Variants in CLEC12A observed in about 807,000 individuals in gnomAD.
The protein encoded by CLEC12A is C-type lectin protein CLL-1.
Under a neutral mutation model 26.5 loss-of-function variants are expected in CLEC12A, and 22 were observed. The ratio of observed to expected loss-of-function variants is 0.83; its 90% CI spans 0.59 to 1.19. The LOEUF (loss-of-function observed/expected upper bound fraction) is 1.19. CLEC12A is among the 50% of genes most tolerant of loss of function. The pLI is 0.00. For missense variants in CLEC12A, 353 were observed against 315.6 expected, an observed-to-expected ratio of 1.12 and a Z score of -0.90; for synonymous variants, 119 against 101.9, an observed-to-expected ratio of 1.17 and a Z score of -1.01.
intron 1 of CLEC12A, among the ~76,000 whole-genome samples, chr12:9,975,844 C>T (rs1419101232): frequency 6.6e-6 from 1 of 152,166 alleles, no homozygotes; most frequent in African/African-American, 2.4e-5. Context: ...GGTCCCTCTG[C>T]TGTGTGCAGT....
the CLEC12A span, among the ~76,000 whole-genome samples, chr12:10,002,141 A>G: frequency 6.6e-6 from 1 of 151,908 alleles, no homozygotes; most frequent in Non-Finnish European, 1.5e-5. Flanking sequence ...TCGGCCTCCC[A>G]AAGTGCTGGG....
At chr12:9,954,612 A>G (rs1289583249) in intron 1 of CLEC12A, among the ~76,000 whole-genome samples, 2 of 152,248 alleles carry the variant, frequency 1.3e-5, no homozygotes, top group East Asian at 3.8e-4. Flanking sequence ...TTCATAAACC[A>G]GTGAGTTTGC....
intron 1 of CLEC12A, among the ~76,000 whole-genome samples, chr12:9,955,870 A>G (rs1390235434): frequency 1.3e-5 from 2 of 152,256 alleles, no homozygotes; most frequent in African/African-American, 4.8e-5. Context: ...TATCAAGAAA[A>G]GCCAAGAGGA....
At chr12:9,952,075 A>G (rs1863620218) in intron 1 of CLEC12A, 1 of 144,918 alleles carries the variant, frequency 6.9e-6, no homozygotes, top group Non-Finnish European at 1.5e-5. Context: ...TCAAACTGTC[A>G]GACCCTGTCT....
intron 5 of CLEC12A, chr12:9,984,032 G>A: frequency 3.5e-6 from 1 of 285,162 alleles, no homozygotes; most frequent in South Asian, 3.2e-5. Flanking sequence ...ATAATGGAAT[G>A]GAAAACATTG....
chr12:9,999,081 T>C, downstream of CLEC12A: 15 of 1,610,814 alleles, frequency 9.3e-6, no homozygotes, highest in Non-Finnish European at 1.3e-5. Flanking sequence ...TAAGGTGATG[T>C]ATCCATCTTC....
At chr12:9,954,757 A>G (rs1240200540) in intron 1 of CLEC12A, among the ~76,000 whole-genome samples, 1 of 152,236 alleles carries the variant, frequency 6.6e-6, no homozygotes, top group Non-Finnish European at 1.5e-5. Flanking sequence ...GCGTTCATAA[A>G]TTAAGTAAAT....
At chr12:9,965,753 C>T (rs970010037) in intron 1 of CLEC12A, among the ~76,000 whole-genome samples, 10 of 151,932 alleles carry the variant, frequency 6.6e-5, no homozygotes, top group Middle Eastern at 3.2e-3. Flanking sequence ...TTTAAAAGGC[C>T]ATGCTGTAGC....
At chr12:9,981,454 A>G (rs749509524) in intron 4 of CLEC12A, among the ~76,000 whole-genome samples, 1 of 152,172 alleles carries the variant, frequency 6.6e-6, no homozygotes, top group South Asian at 2.1e-4. Flanking sequence ...CATCCTTTAT[A>G]GAAGAGAGAT....
At chr12:9,987,965 C>T (rs111429989), downstream of CLEC12A, among the ~76,000 whole-genome samples, 10,678 of 152,044 alleles carry the variant, frequency 0.07, 1,244 homozygotes, top group African/African-American at 0.24. Context: ...CCCACCATCA[C>T]ACCTGGCTAA....
At chr12:9,999,057 C>T (rs984036218), downstream of CLEC12A, 9 of 1,605,740 alleles carry the variant, frequency 5.6e-6, no homozygotes, top group Non-Finnish European at 7.7e-6. Flanking sequence ...AGCTGGTTTC[C>T]GAGTTTTAAT....
At chr12:9,998,709 A>T (rs2137246425), downstream of CLEC12A, among the ~76,000 whole-genome samples, 1 of 152,254 alleles carries the variant, frequency 6.6e-6, no homozygotes, top group Admixed American at 6.5e-5. Context: ...TAATTGCTTT[A>T]ATAAACAGCA....
the CLEC12A span, among the ~76,000 whole-genome samples, chr12:10,003,549 C>T: frequency 6.6e-6 from 1 of 152,090 alleles, no homozygotes. Flanking sequence ...AAGGAGAAGG[C>T]AATGTTTTTC....
rs1396324945 is a variant in CLEC12A, at chr12:9,993,225, A to G, written n.1005-1793A>G. On this transcript the variant is annotated intron_variant and non_coding_transcript_variant, in intron 4 of 4. Coordinates refer to the CLEC12A transcript ENST00000449959. ...TTTGTTCTCACAGAAGGTAGGGTGCATTTTCCCATTATGAAAATAAGCACA... is the reference window on the plus strand; with the variant it reads ...TTTGTTCTCACAGAAGGTAGGGTGCGTTTTCCCATTATGAAAATAAGCACA... 2.5e-6 allele frequency: 4 copies of G among 1,612,862 alleles called. No individual in the cohort carries two copies. Among genetic ancestry groups the G allele is most frequent in the Non-Finnish European group, 3.4e-6 (4 of 1,179,092 alleles).
downstream of CLEC12A, chr12:9,999,136 A>C: frequency 6.9e-7 from 1 of 1,445,494 alleles, no homozygotes; most frequent in Non-Finnish European, 9.6e-7. Flanking sequence ...TCAGAGTTCA[A>C]TGACTTTGCA....
downstream of CLEC12A, chr12:9,997,233 T>C: frequency 6.2e-7 from 1 of 1,613,806 alleles, no homozygotes; most frequent in Non-Finnish European, 8.5e-7. Context: ...GCAGAGTTCC[T>C]GTGCGATTTT....
chr12:9,963,600 G>A (rs939339308), intron 1 of CLEC12A, among the ~76,000 whole-genome samples: 3 of 151,942 alleles, frequency 2.0e-5, no homozygotes, highest in African/African-American at 4.8e-5. Context: ...TTGTCGTGTC[G>A]GTGTCATGAG....
At chr12:9,971,056 A>C (rs577265120), upstream of CLEC12A, among the ~76,000 whole-genome samples, 13 of 152,110 alleles carry the variant, frequency 8.5e-5, no homozygotes, top group Non-Finnish European at 1.8e-4. Flanking sequence ...CTGTATGTTC[A>C]GTCTCCCAGT....
At chr12:9,994,833 GCACA>G (rs34982294) in intron 4 of CLEC12A, among the ~76,000 whole-genome samples, 11 of 150,872 alleles carry the variant, frequency 7.3e-5, no homozygotes, top group South Asian at 2.1e-4. Flanking sequence ...GTGCATGCGC[GCACA>G]CACACACACA....
Sources: gnomAD v4.1 joint callset for allele counts (sites outside exome capture counted in the v4.1 genomes callset) on GRCh38, gnomAD v4.1.1 for gene constraint, MANE v1.5 for transcripts, NCBI Gene and HGNC (gene_info 2026-07-23, HGNC 2026-07-21) for gene names.